The following TRPC1 variants were observed in gnomAD, a reference collection of about 807,000 sequenced individuals.
TRPC1 encodes transient receptor potential cation channel subfamily C member 1.
TRPC1 carries 42 observed loss-of-function variants against 88.2 expected under a neutral mutation model. The observed-to-expected ratio is 0.48, with a 90% confidence interval of 0.37 to 0.62. The LOEUF is 0.62. Ranked by LOEUF, TRPC1 falls within the 20% of genes least tolerant of loss-of-function variation. The probability of loss-of-function intolerance (pLI) is 0.00; values close to 1 mark genes in which losing one functional copy is unlikely to be tolerated. For synonymous variants in TRPC1, 288 were observed against 331.8 expected (o/e 0.87, Z 1.43); for missense variants, 699 against 957.3 (o/e 0.73, Z 3.56).
intron 1 of TRPC1, among the ~76,000 whole-genome samples, chr3:142,731,763 G>A (rs60802995): frequency 6.6e-6 from 1 of 152,100 alleles, no homozygotes; most frequent in Non-Finnish European, 1.5e-5. Flanking sequence ...GCAGGAGTGA[G>A]CAAACTATGG....
At position 142,745,087 on chromosome 3, in the gene TRPC1, G is replaced by A. The variant is rs563120032; in HGVS notation, c.429+1501G>A. ...AAAGTGTGACTTTCTCCAGAGGATA[G>A]TACCATCTAGTTTAAGTGGTGGTAA... On this transcript the variant is annotated intron_variant, in intron 3 of 12. Coordinates refer to ENST00000476941, the MANE Select transcript of TRPC1 (RefSeq NM_001251845.2). Among the ~76,000 whole-genome samples, 12 of 152,308 alleles carry A rather than the reference G, an allele frequency of 7.9e-5. No individual in the cohort carries two copies. In the South Asian group the frequency reaches 2.5e-3, roughly 32 times the overall value.
chr3:142,786,863 AGATT>A (rs1936149949), intron 7 of TRPC1, among the ~76,000 whole-genome samples: 1 of 152,204 alleles, frequency 6.6e-6, no homozygotes, highest in Non-Finnish European at 1.5e-5. Context: ...GTGTTTTGTT[AGATT>A]TAGTTTACCC....
At chr3:142,785,537 T>C (rs2108127342) in intron 7 of TRPC1, among the ~76,000 whole-genome samples, 1 of 152,382 alleles carries the variant, frequency 6.6e-6, no homozygotes, top group South Asian at 2.1e-4. Flanking sequence ...AGTCTCGCTC[T>C]GTCGCCCAGG....
rs1317939731 is a variant in TRPC1 at position 142,753,635 on chromosome 3, T to C, written c.632+5175T>C. On this transcript the variant is annotated intron_variant, in intron 4 of 12. Transcript: ENST00000476941. ...CAAAAATTAGCTGGGCGTGGTGGCA[T>C]GCACCTGTAGTCCCAGCTACTCAGG... Among the ~76,000 whole-genome samples the C allele has an allele frequency of 1.9e-4, 29 of 149,216 alleles. No homozygotes were observed. The Admixed American group carries it at 2.0e-3, about 10-fold the overall frequency.
intron 4 of TRPC1, among the ~76,000 whole-genome samples, chr3:142,763,983 T>TATATATATATATATATACAC (rs1441314374): frequency 5.7e-4 from 42 of 74,304 alleles, no homozygotes; most frequent in Non-Finnish European, 7.1e-4. Context: ...TATATATATA[T>TATATATATATATATATACAC]ACACATACAT....
chr3:142,742,911 G>A (rs1934406231), intron 2 of TRPC1, among the ~76,000 whole-genome samples: 1 of 152,076 alleles, frequency 6.6e-6, no homozygotes, highest in African/African-American at 2.4e-5. Flanking sequence ...AACTTTGGTA[G>A]CCTAACTATT....
At chr3:142,787,856 G>A (rs1936179069) in intron 7 of TRPC1, among the ~76,000 whole-genome samples, 2 of 152,172 alleles carry the variant, frequency 1.3e-5, no homozygotes, top group Non-Finnish European at 2.9e-5. Context: ...AGTAATAAGT[G>A]AGCTAAGATC....
intron 4 of TRPC1, among the ~76,000 whole-genome samples, chr3:142,755,424 TAAAA>T (rs1057419608): frequency 1.3e-5 from 2 of 152,150 alleles, no homozygotes; most frequent in African/African-American, 4.8e-5. Context: ...AAACTCCATC[TAAAA>T]AAGAAAGAAA....
chr3:142,738,571 T>A (rs113581101), intron 2 of TRPC1, among the ~76,000 whole-genome samples: 31 of 152,330 alleles, frequency 2.0e-4, no homozygotes, highest in African/African-American at 7.5e-4. Context: ...AGGGGACATT[T>A]GGCAATGTCT....
At chr3:142,734,535 T>C (rs1044710136) in intron 1 of TRPC1, among the ~76,000 whole-genome samples, 4 of 152,156 alleles carry the variant, frequency 2.6e-5, no homozygotes, top group African/African-American at 9.7e-5. Flanking sequence ...TCTAACTTAA[T>C]GTCTAATGGA....
chr3:142,742,379 G>A (rs1934384650), intron 2 of TRPC1, among the ~76,000 whole-genome samples: 1 of 152,094 alleles, frequency 6.6e-6, no homozygotes. Context: ...TTTCCCATCT[G>A]GGTGGGAAGT....
In TRPC1 at chr3:142,804,739, A is replaced by G. The variant is rs1050365599; in HGVS notation, c.2154+109A>G. 4 of 840,376 alleles carry G rather than the reference A, an allele frequency of 4.8e-6. No homozygotes were observed. In the African/African-American group the frequency reaches 7.8e-5, roughly 16 times the overall value. 52.1% of individuals were successfully genotyped at this position (840,376 alleles called of 1,614,324 possible). Reference sequence around the variant, plus strand: ...GTTCCCTAAGGGCTGTGACTGTCTGACTTTTTTTCACTGCTATATACCCTA... The same window carrying G: ...GTTCCCTAAGGGCTGTGACTGTCTGGCTTTTTTTCACTGCTATATACCCTA... On this transcript the variant is annotated intron_variant, in intron 12 of 12. Transcript: ENST00000476941.
rs138908804 is a variant in TRPC1, at chr3:142,779,165, G to A, written c.764+1402G>A. On this transcript the variant is annotated intron_variant, in intron 5 of 12. Transcript: ENST00000476941. ...AAATAATAAAGTTAGATTTGGAAGC[G>A]ATCATAGAAACCCATTTACTTCAAT... 6.4e-3 allele frequency among the ~76,000 whole-genome samples: 977 copies of A among 152,200 alleles called. 8 individuals are homozygous for A. Among genetic ancestry groups the A allele is most frequent in the African/African-American group, 0.021 (857 of 41,546 alleles).
At chr3:142,780,690 T>C (rs1935931666) in intron 5 of TRPC1, 144 bp from the exon 6 acceptor site, 1 of 850,412 alleles carries the variant, frequency 1.2e-6, no homozygotes. Flanking sequence ...ACTAGTTTCC[T>C]TTGATTATCC....
At chr3:142,786,493 A>T (rs1936137239) in intron 7 of TRPC1, among the ~76,000 whole-genome samples, 1 of 152,160 alleles carries the variant, frequency 6.6e-6, no homozygotes, top group Non-Finnish European at 1.5e-5. Context: ...TACACATCTA[A>T]ACTCTAGGTT....
chr3:142,742,580 G>T (rs1346487070), intron 2 of TRPC1, among the ~76,000 whole-genome samples: 1 of 152,120 alleles, frequency 6.6e-6, no homozygotes, highest in Non-Finnish European at 1.5e-5. Flanking sequence ...GATCGATATA[G>T]TTTTGTTTCC....
rs999837617 is a variant in TRPC1 at position 142,767,762 on chromosome 3, C to T, written c.633-9870C>T. Among the ~76,000 whole-genome samples the T allele has an allele frequency of 1.3e-5, 2 of 151,746 alleles. No homozygotes were observed. The highest frequency in any genetic ancestry group is 1.9e-4 in the East Asian group (1 of 5,194). ...CTACTAAATCTACTTTCTGTCCCTA[C>T]GGATGTACCTGTTCTGGATATTTCA... On this transcript the variant is annotated intron_variant, in intron 4 of 12. Coordinates refer to ENST00000476941, the MANE Select transcript of TRPC1 (RefSeq NM_001251845.2). The surrounding 1 kb of genome is among the most constrained non-coding windows in gnomAD (Gnocchi z 5.1).
At chr3:142,803,118 G>C (rs546608553) in intron 10 of TRPC1, among the ~76,000 whole-genome samples, 55 of 152,292 alleles carry the variant, frequency 3.6e-4, no homozygotes, top group Non-Finnish European at 6.6e-4. Flanking sequence ...AAAATATTCA[G>C]TATGTTACAC....
intron 4 of TRPC1, among the ~76,000 whole-genome samples, chr3:142,759,666 T>A (rs149930933): frequency 2.0e-5 from 3 of 152,150 alleles, no homozygotes; most frequent in African/African-American, 7.2e-5. Context: ...TTTCTTTTGC[T>A]GTGCAGAAGC....
Sources: gnomAD v4.1 joint callset for allele counts (sites outside exome capture counted in the v4.1 genomes callset) on GRCh38, gnomAD v4.1.1 for gene constraint, Gnocchi (gnomAD v3.1) non-coding constraint, MANE v1.5 for transcripts, NCBI Gene and HGNC (gene_info 2026-07-23, HGNC 2026-07-21) for gene names.